DOCK8: variants seen among roughly 807,000 people sequenced by gnomAD.
DOCK8 encodes the protein dedicator of cytokinesis protein 8.
DOCK8 carries 141 observed loss-of-function variants against 245.6 expected under a neutral mutation model. The ratio of observed to expected loss-of-function variants is 0.57; its 90% CI spans 0.50 to 0.66. The LOEUF is 0.66. DOCK8 is among the 30% of genes least tolerant of loss of function. The probability of loss-of-function intolerance (pLI) is 0.00; values close to 1 mark genes in which losing one functional copy is unlikely to be tolerated. For missense variants in DOCK8, 2,965 were observed against 2,603.4 expected (o/e 1.14, Z -3.02); for synonymous variants, 1,168 against 970.2 (o/e 1.20, Z -3.79).
intron 5 of DOCK8, among the ~76,000 whole-genome samples, chr9:305,952 T>C (rs565657417): frequency 2.6e-5 from 4 of 152,254 alleles, no homozygotes; most frequent in African/African-American, 4.8e-5. Flanking sequence ...TAGGAAGTTA[T>C]TGTTTAATGG....
chr9:226,413 G>T (rs1291456226), intron 1 of DOCK8, among the ~76,000 whole-genome samples: 1 of 152,170 alleles, frequency 6.6e-6, no homozygotes, highest in African/African-American at 2.4e-5. Context: ...ATGGTTTATG[G>T]AGCAGGGCAT....
In DOCK8 at chr9:355,997, A is replaced by G. The variant is rs552706384; in HGVS notation, c.1680-12021A>G. 1.4e-3 allele frequency among the ~76,000 whole-genome samples: 219 copies of G among 152,352 alleles called. 2 individuals are homozygous for G. Among genetic ancestry groups the G allele is most frequent in the Non-Finnish European group, 2.6e-3 (178 of 68,026 alleles). Reference sequence around the variant, plus strand: ...TAGTAAATGACTTTCAGGCAGAAAAAGAAAACCACACTGGAAATAGGATTC... The same window carrying G: ...TAGTAAATGACTTTCAGGCAGAAAAGGAAAACCACACTGGAAATAGGATTC... On this transcript the variant is annotated intron_variant, in intron 14 of 47. Transcript: ENST00000432829.
intron 14 of DOCK8, among the ~76,000 whole-genome samples, chr9:363,169 C>T (rs557514832): frequency 1.3e-4 from 20 of 152,228 alleles, no homozygotes; most frequent in African/African-American, 4.1e-4. Context: ...GTTCTCAATG[C>T]GGTGGTATAT....
chr9:245,308 G>T (rs2047482414), intron 1 of DOCK8, among the ~76,000 whole-genome samples: 1 of 152,138 alleles, frequency 6.6e-6, no homozygotes, highest in African/African-American at 2.4e-5. Flanking sequence ...GAGTTCAAGT[G>T]ATTCTCCTAC....
At chr9:451,139 C>A (rs1044601004) in intron 45 of DOCK8, among the ~76,000 whole-genome samples, 2 of 151,660 alleles carry the variant, frequency 1.3e-5, no homozygotes. Context: ...ATGGTGAAAC[C>A]CCATCTCTGC....
chr9:361,934 C>T (rs1438825164), intron 14 of DOCK8, among the ~76,000 whole-genome samples: 1 of 152,194 alleles, frequency 6.6e-6, no homozygotes, highest in Non-Finnish European at 1.5e-5. Context: ...TTTCACTCAA[C>T]ATTATACACT....
At chr9:339,640 G>A (rs1443241327) in intron 13 of DOCK8, among the ~76,000 whole-genome samples, 2 of 152,112 alleles carry the variant, frequency 1.3e-5, no homozygotes, top group Admixed American at 6.5e-5. Context: ...TCAACCTCCC[G>A]AGTAGCTGGG....
Position 336,568 on chromosome 9 carries a change from T to C in DOCK8, c.1286-14T>C, listed in dbSNP as rs2051321761. Reference sequence around the variant, plus strand: ...GAAAGGCATACTTTGGAGTGACAATTGTTTTTCTTAAAGGGAGAAGCTCAG... The same window carrying C: ...GAAAGGCATACTTTGGAGTGACAATCGTTTTTCTTAAAGGGAGAAGCTCAG... On this transcript the variant is annotated splice_polypyrimidine_tract_variant and intron_variant, in intron 11 of 47. Coordinates refer to ENST00000432829, the MANE Select transcript of DOCK8 (RefSeq NM_203447.4). The C allele has an allele frequency of 1.9e-6, 3 of 1,614,054 alleles. No homozygotes were observed. The highest frequency in any genetic ancestry group is 2.5e-6 in the Non-Finnish European group (3 of 1,180,034).
chr9:297,380 A>G (rs1352949866), intron 4 of DOCK8, among the ~76,000 whole-genome samples: 1 of 152,156 alleles, frequency 6.6e-6, no homozygotes, highest in Non-Finnish European at 1.5e-5. Flanking sequence ...TTTAAAGAGA[A>G]CACTCTCAAA....
intron 1 of DOCK8, among the ~76,000 whole-genome samples, chr9:254,996 G>A (rs140847197): frequency 6.6e-6 from 1 of 152,078 alleles, no homozygotes; most frequent in African/African-American, 2.4e-5. Flanking sequence ...AAGTTTGAGG[G>A]TCACCACTGG....
chr9:363,297 A>G (rs1347709285), intron 14 of DOCK8, among the ~76,000 whole-genome samples: 2 of 152,228 alleles, frequency 1.3e-5, no homozygotes, highest in East Asian at 1.9e-4. Flanking sequence ...CTTTGCCATA[A>G]CAAGTGGCAA....
At chr9:285,418 T>C (rs1211826067) in intron 2 of DOCK8, among the ~76,000 whole-genome samples, 1 of 152,148 alleles carries the variant, frequency 6.6e-6, no homozygotes, top group Non-Finnish European at 1.5e-5. Flanking sequence ...AGATATTTGT[T>C]TTGTTGGTCC....
chr9:446,301 C>A (rs1354729942), intron 43 of DOCK8, 69 bp from the exon 44 acceptor site: 6 of 1,314,478 alleles, frequency 4.6e-6, no homozygotes, highest in Non-Finnish European at 5.5e-6. Flanking sequence ...CTGCATGCCC[C>A]TCCATTGCGT....
intron 33 of DOCK8, among the ~76,000 whole-genome samples, 178 bp from the exon 34 acceptor site, chr9:426,707 G>A (rs1055848910): frequency 6.6e-6 from 1 of 152,098 alleles, no homozygotes; most frequent in Non-Finnish European, 1.5e-5. Context: ...CAGTTGTTTC[G>A]ACAAGACATG....
At chr9:447,487 C>G (rs1051981709) in intron 44 of DOCK8, among the ~76,000 whole-genome samples, 13 of 152,206 alleles carry the variant, frequency 8.5e-5, no homozygotes, top group Non-Finnish European at 1.8e-4. Context: ...AGAGCAGAAG[C>G]CTTCTGGATG....
chr9:420,601 C>T lies in DOCK8; in HGVS notation c.4023+18C>T. The T allele has an allele frequency of 6.2e-7, 1 of 1,613,924 alleles. No individual in the cohort carries two copies. The highest frequency in any genetic ancestry group is 8.5e-7 in the Non-Finnish European group (1 of 1,179,866). Reference sequence around the variant, plus strand: ...AGTATAAGGTAAGTCTGGAGTGGCACAACTTTATACCAGCTCTTATCTCTC... The same window carrying T: ...AGTATAAGGTAAGTCTGGAGTGGCATAACTTTATACCAGCTCTTATCTCTC... On this transcript the variant is annotated intron_variant, in intron 31 of 47. Transcript: ENST00000432829.
chr9:307,452 A>G (rs1195708145), intron 5 of DOCK8, among the ~76,000 whole-genome samples: 2 of 142,542 alleles, frequency 1.4e-5, no homozygotes, highest in Non-Finnish European at 3.0e-5. Context: ...TCCGCCTCCC[A>G]AGTTCAAGCG....
At chr9:337,986 T>A (rs775629148) in intron 12 of DOCK8, among the ~76,000 whole-genome samples, 54 of 152,138 alleles carry the variant, frequency 3.5e-4, no homozygotes, top group Admixed American at 1.3e-4. Flanking sequence ...AACCCCCGTC[T>A]CTACTAAAAA....
chr9:339,589 A>T (rs748417499), intron 13 of DOCK8, among the ~76,000 whole-genome samples: 3 of 152,194 alleles, frequency 2.0e-5, no homozygotes, highest in Non-Finnish European at 4.4e-5. Flanking sequence ...ATCTCAGCTC[A>T]CTGCAACCTC....
Sources: allele counts gnomAD v4.1 joint callset (sites outside exome capture counted in the v4.1 genomes callset), GRCh38; gene constraint gnomAD v4.1.1; transcripts MANE v1.5; gene names NCBI Gene and HGNC (gene_info 2026-07-23, HGNC 2026-07-21).